Variants in CACNA2D4 observed in about 807,000 individuals in gnomAD.
CACNA2D4 encodes the protein calcium voltage-gated channel auxiliary subunit alpha2delta 4.
Under a neutral mutation model 163.8 loss-of-function variants are expected in CACNA2D4, and 157 were observed. The ratio of observed to expected loss-of-function variants is 0.96; its 90% CI spans 0.84 to 1.09. The LOEUF (loss-of-function observed/expected upper bound fraction) is 1.09. CACNA2D4 is among the 50% of genes least tolerant of loss of function. The pLI is 0.00. For missense variants in CACNA2D4, 1,410 were observed against 1,479.9 expected (o/e 0.95, Z 0.78); for synonymous variants, 598 against 586.9 (o/e 1.02, Z -0.27).
Position 1,856,095 on chromosome 12 carries a change from G to A in CACNA2D4, c.2069C>T (p.Thr690Ile). ...CTTCCGGTGGTCTGGGTCAATATCT[G>A]TGATGCAGTAGATCCTGAAACCCAG... ...ALAGDWIYCI[T>I]DIDPDHRKLS... The change falls in exon 22 of 38, where the codon ACA becomes ATA. Residue 690 changes from threonine (T) to isoleucine (I), a missense_variant. By Grantham distance (89) the Thr-to-Ile change is moderately conservative. Transcript: ENST00000382722. 6.2e-7 allele frequency: 1 copy of A among 1,613,890 alleles called. No individual in the cohort carries two copies. Among genetic ancestry groups the A allele is most frequent in the Non-Finnish European group, 8.5e-7 (1 of 1,179,810 alleles).
At chr12:1,811,640 C>T (rs917131947) in intron 27 of CACNA2D4, 22 bp downstream of exon 27, 10 of 1,556,574 alleles carry the variant, frequency 6.4e-6, no homozygotes, top group Admixed American at 1.9e-5. Flanking sequence ...CCAGCCCCGA[C>T]CTGGCCCGAC....
rs936069332 is a variant in CACNA2D4 at position 1,828,990 on chromosome 12, C to G, written c.2551+11749G>C. Among the ~76,000 whole-genome samples the G allele has an allele frequency of 6.6e-6, 1 of 152,234 alleles. No individual in the cohort carries two copies. Among genetic ancestry groups the G allele is most frequent in the Non-Finnish European group, 1.5e-5 (1 of 68,038 alleles). ...CGGGACGGCATTCCGCCTGACTTCC[C>G]GCTCTGATCCAGCACCCAACACGGG... On this transcript the variant is annotated intron_variant, in intron 26 of 37. Transcript: ENST00000382722. This position sits in a 1 kb window ranked among gnomAD's most constrained non-coding sequence, Gnocchi z 4.2.
intron 29 of CACNA2D4, among the ~76,000 whole-genome samples, chr12:1,805,974 G>T (rs945405110): frequency 2.6e-5 from 4 of 152,204 alleles, no homozygotes; most frequent in Non-Finnish European, 4.4e-5. Flanking sequence ...GCCCCCTGAC[G>T]ACAGAGAGGG....
At chr12:1,858,669 TC>T (rs749292918) in intron 19 of CACNA2D4, 25 bp from the exon 20 acceptor site, 175 of 1,561,166 alleles carry the variant, frequency 1.1e-4, no homozygotes, top group Admixed American at 1.6e-4. Flanking sequence ...GAGAAGGCAC[TC>T]ATTCAGCAGC....
intron 29 of CACNA2D4, among the ~76,000 whole-genome samples, chr12:1,807,604 A>G (rs4766421): frequency 0.46 from 69,973 of 151,864 alleles, 18,412 homozygotes; most frequent in Non-Finnish European, 0.59. Context: ...TCTTCCACTC[A>G]TCTCCCAGTC....
chr12:1,876,039 G>A (rs1565723703), intron 16 of CACNA2D4, among the ~76,000 whole-genome samples: 1 of 152,158 alleles, frequency 6.6e-6, no homozygotes, highest in African/African-American at 2.4e-5. Context: ...CAGTCCCCTT[G>A]GTCTTCCTCA....
intron 7 of CACNA2D4, 45 bp downstream of exon 7, chr12:1,886,964 G>A: frequency 6.9e-7 from 1 of 1,450,368 alleles, no homozygotes; most frequent in East Asian, 2.4e-5. Context: ...CAAAAGCTAT[G>A]AGATAAATAC....
At position 1,909,885 on chromosome 12, in the gene CACNA2D4, AG is replaced by A; in HGVS notation, c.486+20del. 6.2e-7 allele frequency: 1 copy of A among 1,609,906 alleles called. No individual in the cohort carries two copies. The highest frequency in any genetic ancestry group is 8.5e-7 in the Non-Finnish European group (1 of 1,176,490). ...CAGGCGATCCTGGCCCTCTGGCACC[AG>A]TGCCAGGAGTGGGACTCACCACCAG... On this transcript the variant is annotated intron_variant, in intron 4 of 37. Coordinates refer to ENST00000382722, the MANE Select transcript of CACNA2D4 (RefSeq NM_172364.5).
rs1004830255 is a variant in CACNA2D4 at position 1,831,336 on chromosome 12, C to A, written c.2551+9403G>T. The A allele has an allele frequency of 1.9e-6, 3 of 1,613,802 alleles. No individual in the cohort carries two copies. In the African/African-American group the frequency reaches 4.0e-5, roughly 22 times the overall value. On this transcript the variant is annotated intron_variant, in intron 26 of 37. Coordinates refer to ENST00000382722, the MANE Select transcript of CACNA2D4 (RefSeq NM_172364.5). ...CATCAACGGCCTGGCCCAGTTGCCC[C>A]CTGGTCTTTTCGACGGGCTCCTGGC...
At chr12:1,880,134 T>C (rs1592730145) in intron 13 of CACNA2D4, among the ~76,000 whole-genome samples, 1 of 152,340 alleles carries the variant, frequency 6.6e-6, no homozygotes, top group East Asian at 1.9e-4. Flanking sequence ...CTGAGCCCCA[T>C]GACCCAGCCC....
At chr12:1,836,468 G>A (rs1048149056) in intron 26 of CACNA2D4, 30 of 152,464 alleles carry the variant, frequency 2.0e-4, no homozygotes, top group African/African-American at 6.8e-4. Context: ...GTGGGCTGGG[G>A]GCCTGGAGGA....
intron 23 of CACNA2D4, 43 bp downstream of exon 23, chr12:1,853,908 T>C (rs764383709): frequency 1.3e-6 from 2 of 1,500,264 alleles, no homozygotes; most frequent in Admixed American, 3.5e-5. Flanking sequence ...AAGGGAATTC[T>C]GGGGGCTGGT....
chr12:1,831,531 C>A lies in CACNA2D4; in HGVS notation c.2551+9208G>T, dbSNP rs369654268. On this transcript the variant is annotated intron_variant, in intron 26 of 37. Coordinates refer to ENST00000382722, the MANE Select transcript of CACNA2D4 (RefSeq NM_172364.5). ...GGAGTGGTTCTCCTACCGAGGTGAG[C>A]GCAGCCGGCCCTGCTGGGGCCCGAG... is the stretch of plus-strand genomic sequence containing the variant. 8.7e-6 allele frequency: 14 copies of A among 1,607,046 alleles called. No homozygotes were observed. In the Admixed American group the frequency reaches 2.3e-4, roughly 27 times the overall value.
At chr12:1,881,681 T>A (rs2154449555) in intron 13 of CACNA2D4, among the ~76,000 whole-genome samples, 1 of 152,324 alleles carries the variant, frequency 6.6e-6, no homozygotes, top group African/African-American at 2.4e-5. Flanking sequence ...ACCTGGACAC[T>A]CAGGGCCCTA....
Position 1,799,841 on chromosome 12 carries a change from G to A in CACNA2D4, c.2975-146C>T. 2.3e-6 allele frequency: 3 copies of A among 1,291,692 alleles called. No homozygotes were observed. Among genetic ancestry groups the A allele is most frequent in the Non-Finnish European group, 3.3e-6 (3 of 915,484 alleles). The allele number at this position is 1,291,692 out of a possible 1,614,324, so 80.0% of individuals were successfully genotyped here. On this transcript the variant is annotated intron_variant, in intron 33 of 37. Coordinates refer to ENST00000382722, the MANE Select transcript of CACNA2D4 (RefSeq NM_172364.5). The surrounding 1 kb of genome is among the most constrained non-coding windows in gnomAD (Gnocchi z 4.7). ...TGTCACACACAGAGCCAGGAGTGAG[G>A]GATGTGATGAGAGAAGGCCACGCAG...
At chr12:1,915,599 AG>A (rs1350839545) in intron 1 of CACNA2D4, among the ~76,000 whole-genome samples, 1 of 152,222 alleles carries the variant, frequency 6.6e-6, no homozygotes, top group East Asian at 1.9e-4. Context: ...CAGCAGGAAA[AG>A]GCTCTGAGCT....
At chr12:1,804,836 G>T (rs1047011032) in intron 29 of CACNA2D4, among the ~76,000 whole-genome samples, 2 of 152,250 alleles carry the variant, frequency 1.3e-5, no homozygotes, top group African/African-American at 4.8e-5. Flanking sequence ...CTGGGCCCAG[G>T]CTGCCTTCAT....
At chr12:1,800,960 A>G in intron 31 of CACNA2D4, 83 bp downstream of exon 31, 1 of 1,325,178 alleles carries the variant, frequency 7.5e-7, no homozygotes, top group African/African-American at 1.4e-5. Context: ...GGTGGGTGAG[A>G]ACAGGGACCA....
intron 6 of CACNA2D4, among the ~76,000 whole-genome samples, chr12:1,895,036 C>A (rs1866369008): frequency 6.6e-6 from 1 of 152,096 alleles, no homozygotes; most frequent in Non-Finnish European, 1.5e-5. Context: ...ACATTCAGTA[C>A]AGTTACAGGA....
Sources: allele counts gnomAD v4.1 joint callset (sites outside exome capture counted in the v4.1 genomes callset), GRCh38; gene constraint gnomAD v4.1.1; non-coding constraint Gnocchi (gnomAD v3.1); transcripts MANE v1.5; gene names NCBI Gene and HGNC (gene_info 2026-07-23, HGNC 2026-07-21).